The following SUN1 variants were observed in gnomAD, a reference collection of about 807,000 sequenced individuals.
SUN1 encodes Sad1 and UNC84 domain containing 1.
Under a neutral mutation model 103.2 loss-of-function variants are expected in SUN1, and 61 were observed. That is an observed-to-expected ratio of 0.59 (90% confidence interval 0.48 to 0.73). The LOEUF is 0.73. SUN1 is among the 30% of genes least tolerant of loss of function. The probability of loss-of-function intolerance (pLI) is 0.00; values close to 1 mark genes in which losing one functional copy is unlikely to be tolerated. For missense variants in SUN1, 1,052 were observed against 1,034.6 expected, an observed-to-expected ratio of 1.02 and a Z score of -0.23; for synonymous variants, 490 against 425.7, an observed-to-expected ratio of 1.15 and a Z score of -1.86.
At chr7:859,762 C>T (rs1830725641) in intron 13 of SUN1, among the ~76,000 whole-genome samples, 1 of 152,222 alleles carries the variant, frequency 6.6e-6, no homozygotes, top group Non-Finnish European at 1.5e-5. Context: ...GTTTTCTCAT[C>T]AGACCAAGTT....
intron 1 of SUN1, among the ~76,000 whole-genome samples, chr7:820,883 C>T (rs1054618981): frequency 6.6e-6 from 1 of 152,166 alleles, no homozygotes; most frequent in Non-Finnish European, 1.5e-5. Context: ...TACACCCTCA[C>T]TTCCAATTGT....
chr7:857,917 T>C lies in SUN1; in HGVS notation c.1484T>C (p.Val495Ala). The C allele has an allele frequency of 6.2e-7, 1 of 1,601,124 alleles. No individual in the cohort carries two copies. Among genetic ancestry groups the C allele is most frequent in the Non-Finnish European group, 8.5e-7 (1 of 1,169,600 alleles). Residue 495 changes from valine to alanine, a missense_variant, in exon 13 of 19, where the codon GTG (valine) becomes GCG (alanine). Coordinates refer to ENST00000401592, the MANE Select transcript of SUN1 (RefSeq NM_001130965.3). ...LKSELSSWRH[V>A]KTGCETVDAV... is the part of the protein sequence containing the mutation. The stretch of plus-strand genomic sequence containing the variant: ...TCAGAGCTGTCCAGCTGGCGACACG[T>C]GAAGACCGGCTGTGAGACAGTGGAT...
upstream of SUN1, among the ~76,000 whole-genome samples, chr7:831,346 A>G (rs1038193314): frequency 4.1e-5 from 6 of 147,682 alleles, no homozygotes; most frequent in Non-Finnish European, 7.4e-5. Context: ...ATCTCGGCTC[A>G]CTGCAAGCTC....
At chr7:824,340 G>C (rs1322396765) in intron 1 of SUN1, among the ~76,000 whole-genome samples, 1 of 152,216 alleles carries the variant, frequency 6.6e-6, no homozygotes, top group Non-Finnish European at 1.5e-5. Context: ...GCTGAGTGTG[G>C]CTGCAGCACA....
intron 11 of SUN1, among the ~76,000 whole-genome samples, chr7:855,682 G>T (rs1409946412): frequency 3.3e-5 from 5 of 152,230 alleles, no homozygotes; most frequent in Non-Finnish European, 7.3e-5. Flanking sequence ...TACCTGGGAG[G>T]GAGAGGTGGG....
At chr7:820,473 T>A (rs1338771149) in intron 1 of SUN1, among the ~76,000 whole-genome samples, 1 of 152,226 alleles carries the variant, frequency 6.6e-6, no homozygotes, top group African/African-American at 2.4e-5. Flanking sequence ...GCAGTTTTTT[T>A]GTTGATTCAT....
intron 16 of SUN1, among the ~76,000 whole-genome samples, chr7:867,721 A>T (rs1235812364): frequency 6.6e-6 from 1 of 152,244 alleles, no homozygotes; most frequent in South Asian, 2.1e-4. Context: ...TGTTTACAGA[A>T]CATAGGGATA....
intron 2 of SUN1, among the ~76,000 whole-genome samples, chr7:840,535 C>T (rs75621036): frequency 2.0e-5 from 3 of 152,218 alleles, no homozygotes; most frequent in African/African-American, 7.2e-5. Context: ...CTGGGTTCCC[C>T]CTACCTGACG....
chr7:851,460 T>G lies in SUN1; in HGVS notation c.735T>G (p.Leu245=), dbSNP rs1044248468. The change falls in exon 6 of 19, where the codon CTT becomes CTG. Residue 245 remains leucine (L), a synonymous_variant. Coordinates refer to ENST00000401592, the MANE Select transcript of SUN1 (RefSeq NM_001130965.3). ...QAVSRTAWSA[L]WLAVVAPGKA... is the part of the protein sequence containing the mutation. ...TGTCCAGGACGGCGTGGTCGGCCCT[T>G]TGGCTGGCCGTGGTTGCTCCAGGTG... 1 of 1,608,474 alleles carries G rather than the reference T, an allele frequency of 6.2e-7. No individual in the cohort carries two copies. The highest frequency in any genetic ancestry group is 8.5e-7 in the Non-Finnish European group (1 of 1,177,584).
At chr7:860,941 C>G (rs145301742) in intron 14 of SUN1, among the ~76,000 whole-genome samples, 1,835 of 152,202 alleles carry the variant, frequency 0.012, 54 homozygotes, top group African/African-American at 0.042. Flanking sequence ...ACTCAGTTTC[C>G]CCCACCCGCT....
At chr7:818,011 T>C (rs1782466656) in intron 1 of SUN1, among the ~76,000 whole-genome samples, 1 of 152,242 alleles carries the variant, frequency 6.6e-6, no homozygotes, top group South Asian at 2.1e-4. Context: ...GCTGTTTTTT[T>C]TTCCTCCTTT....
In SUN1 at chr7:843,081, G is replaced by A. The variant is rs574094274; in HGVS notation, c.452-125G>A. ...GGAGGCATTTTAGGAAATAAACTGT[G>A]ACCAGTGCCATAATGCTGATTTATT... On this transcript the variant is annotated intron_variant, in intron 3 of 18. Coordinates refer to ENST00000401592, the MANE Select transcript of SUN1 (RefSeq NM_001130965.3). 1.1e-4 allele frequency: 148 copies of A among 1,365,476 alleles called. 3 individuals are homozygous for A. In the South Asian group the frequency reaches 1.8e-3, roughly 16 times the overall value. The allele number at this position is 1,365,476 out of a possible 1,614,324, so 84.6% of individuals were successfully genotyped here. A position where few individuals can be genotyped will look rare whatever the true frequency, so the allele number is the denominator to read the frequency against.
upstream of SUN1, chr7:832,042 C>G (rs1668643456): frequency 1.0e-6 from 1 of 987,856 alleles, no homozygotes; most frequent in African/African-American, 1.7e-5. Flanking sequence ...TTCTGAGATG[C>G]TTGTGAGAGC....
chr7:866,019 T>A lies in SUN1; in HGVS notation c.1932T>A (p.Phe644Leu). ...CCAAAACGGCGCTGATGAGTCTGTT[T>A]GGGATCCCGCTGTGGTACTTCTCGC... is the stretch of plus-strand genomic sequence containing the variant. ...YETKTALMSL[F>L]GIPLWYFSQS... Residue 644 changes from phenylalanine (F) to leucine (L), a missense_variant, in exon 16 of 19, where the codon TTT (phenylalanine) becomes TTA (leucine). This residue lies in a region of SUN1 where 206 missense variants were observed against 260.1 expected (regional missense o/e 0.79). Coordinates refer to ENST00000401592, the MANE Select transcript of SUN1 (RefSeq NM_001130965.3). 3 of 1,614,166 alleles carry A rather than the reference T, an allele frequency of 1.9e-6. No individual in the cohort carries two copies. The highest frequency in any genetic ancestry group is 2.2e-5 in the South Asian group (2 of 91,080).
chr7:860,793 G>A (rs899415241), intron 14 of SUN1, among the ~76,000 whole-genome samples: 3 of 152,216 alleles, frequency 2.0e-5, no homozygotes, highest in Admixed American at 2.0e-4. Flanking sequence ...TCACAGTCAT[G>A]GGGGAAGGTG....
intron 2 of SUN1, 62 bp downstream of exon 2, chr7:839,048 T>C: frequency 6.9e-7 from 1 of 1,444,816 alleles, no homozygotes. Context: ...CAAGCTTCCA[T>C]ACTTTTTGGT....
intron 8 of SUN1, 34 bp from the exon 9 acceptor site, chr7:852,776 T>G (rs754559048): frequency 1.2e-6 from 2 of 1,611,650 alleles, no homozygotes; most frequent in South Asian, 2.2e-5. Context: ...AAGCGTGGTG[T>G]ACCTGTGTGT....
chr7:872,848 CG>C (rs1842678864), intron 18 of SUN1, among the ~76,000 whole-genome samples: 1 of 151,968 alleles, frequency 6.6e-6, no homozygotes, highest in Non-Finnish European at 1.5e-5. Flanking sequence ...CAGCACTTTG[CG>C]GGGCCGAGGC....
intron 15 of SUN1, 149 bp downstream of exon 15, chr7:861,613 C>A: frequency 1.3e-6 from 1 of 790,780 alleles, no homozygotes. Flanking sequence ...CTGGGCATGA[C>A]CCTGGTGTTC....
Sources: gnomAD v4.1 joint callset for allele counts (sites outside exome capture counted in the v4.1 genomes callset) on GRCh38, gnomAD v4.1.1 for gene constraint, gnomAD v4.1.1 regional missense constraint, MANE v1.5 for transcripts, NCBI Gene and HGNC (gene_info 2026-07-23, HGNC 2026-07-21) for gene names.